The following CACNA1E variants were observed in gnomAD, a reference collection of about 807,000 sequenced individuals.
CACNA1E encodes the protein voltage-dependent R-type calcium channel subunit alpha-1E.
A neutral mutation model predicts 259.2 loss-of-function variants in CACNA1E; 40 were observed. The observed-to-expected ratio is 0.15, with a 90% CI of 0.12 to 0.20. The LOEUF (loss-of-function observed/expected upper bound fraction) is 0.20, where lower values mean the gene tolerates loss of function less well. Ranked by LOEUF, CACNA1E falls within the 10% of genes least tolerant of loss-of-function variation. The pLI, the probability that CACNA1E is intolerant of heterozygous loss-of-function variation, is 1.00. For missense variants in CACNA1E, 1,874 were observed against 3,040.1 expected, an observed-to-expected ratio of 0.62 and a Z score of 9.02; for synonymous variants, 1,104 against 1,138.5, an observed-to-expected ratio of 0.97 and a Z score of 0.61.
At chr1:181,761,697 G>A (rs1177597447) in intron 32 of CACNA1E, among the ~76,000 whole-genome samples, 1 of 152,128 alleles carries the variant, frequency 6.6e-6, no homozygotes, top group East Asian at 1.9e-4. Context: ...AATGTCCCAG[G>A]GGCAGGCAAG....
Position 181,795,787 on chromosome 1 carries a change from T to TATATA in CACNA1E, c.6208+743_6208+744insATATA, listed in dbSNP as rs1410248740. The stretch of plus-strand genomic sequence containing the variant: ...CTTTAAATATATATATATATATATA[T>TATATA]TAGTCTGGCTCAACTATTTTGTTTT... On this transcript the variant is annotated intron_variant, in intron 46 of 47. Coordinates refer to ENST00000367573, the MANE Select transcript of CACNA1E (RefSeq NM_001205293.3). Among the ~76,000 whole-genome samples, 14 of 143,686 alleles carry TATATA rather than the reference T, an allele frequency of 9.7e-5. No individual in the cohort carries two copies. In the South Asian group the frequency reaches 1.4e-3, roughly 14 times the overall value. 94.3% of individuals were successfully genotyped at this position (143,686 alleles called of 152,430 possible).
intron 6 of CACNA1E, among the ~76,000 whole-genome samples, chr1:181,612,581 T>C (rs1163297673): frequency 1.3e-5 from 2 of 152,226 alleles, no homozygotes; most frequent in African/African-American, 4.8e-5. Context: ...GGGAGAATGC[T>C]GTCTGGCCTG....
chr1:181,627,465 G>A (rs1489009817), intron 6 of CACNA1E, among the ~76,000 whole-genome samples: 3 of 152,190 alleles, frequency 2.0e-5, no homozygotes, highest in Non-Finnish European at 2.9e-5. Flanking sequence ...GGAGTGGGGG[G>A]AGATAAGGCT....
chr1:181,595,779 C>T lies in CACNA1E; in HGVS notation c.951+15003C>T, dbSNP rs12059876. 1.0e-2 allele frequency among the ~76,000 whole-genome samples: 1,522 copies of T among 152,254 alleles called. 37 individuals carry two copies. The highest frequency in any genetic ancestry group is 0.035 in the African/African-American group (1,447 of 41,550). On this transcript the variant is annotated intron_variant, in intron 6 of 47. Coordinates refer to ENST00000367573, the MANE Select transcript of CACNA1E (RefSeq NM_001205293.3). The stretch of plus-strand genomic sequence containing the variant: ...TCATTGAGCCAGGAGCCTTGGTCCA[C>T]GCTGTAGGACCTCAGTCCACCCAGG...
chr1:181,736,331 G>A lies in CACNA1E; in HGVS notation c.3319G>A (p.Asp1107Asn). Residue 1107 changes from aspartate (D) to asparagine (N), a missense_variant, in exon 22 of 48, where the codon GAT (aspartate) becomes AAT (asparagine). Asp to Asn is a conservative substitution (Grantham distance 23). This residue lies in a region of CACNA1E where 476 missense variants were observed against 514.0 expected (regional missense o/e 0.93). Coordinates refer to ENST00000367573, the MANE Select transcript of CACNA1E (RefSeq NM_001205293.3). The stretch of plus-strand genomic sequence containing the variant: ...CTTGAAGGAGGCAGAGATCAGAGAG[G>A]ATGAGGAGGAGGTGGAGAAGAAGAA... ...SPLKEAEIREDEEEVEKKKQK... is the reference protein window; with the variant it reads ...SPLKEAEIRENEEEVEKKKQK... 6.2e-7 allele frequency: 1 copy of A among 1,606,804 alleles called. No homozygotes were observed. The highest frequency in any genetic ancestry group is 8.5e-7 in the Non-Finnish European group (1 of 1,176,456).
At chr1:181,623,733 C>T (rs1200465720) in intron 6 of CACNA1E, among the ~76,000 whole-genome samples, 2 of 152,136 alleles carry the variant, frequency 1.3e-5, no homozygotes, top group African/African-American at 4.8e-5. Flanking sequence ...AAAAACATAT[C>T]TACATACCTT....
intron 3 of CACNA1E, among the ~76,000 whole-genome samples, chr1:181,533,841 A>T (rs1667957297): frequency 6.6e-6 from 1 of 151,786 alleles, no homozygotes; most frequent in Non-Finnish European, 1.5e-5. Flanking sequence ...GAATGATTTA[A>T]TTTTTTTATT....
chr1:181,713,683 A>G (rs1263835051), intron 8 of CACNA1E, among the ~76,000 whole-genome samples: 1 of 152,182 alleles, frequency 6.6e-6, no homozygotes, highest in African/African-American at 2.4e-5. Context: ...TTCCCCCAGC[A>G]GCTGGGATCT....
chr1:181,712,659 G>A (rs951151813), intron 8 of CACNA1E, among the ~76,000 whole-genome samples: 2 of 152,158 alleles, frequency 1.3e-5, no homozygotes, highest in Admixed American at 1.3e-4. Flanking sequence ...TGTTGTGTAG[G>A]GATGAAGTGG....
At position 181,716,133 on chromosome 1, in the gene CACNA1E, A is replaced by T. The variant is rs772914867; in HGVS notation, c.1315+4A>T. On this transcript the variant is annotated splice_donor_region_variant and intron_variant, in intron 10 of 47. Transcript: ENST00000367573. ...TGTGTTGATATCTCCTCTGTGGGTG[A>T]GTGGATCCAGTTAGATCTTTTACTG... The T allele has an allele frequency of 1.3e-6, 2 of 1,533,984 alleles. No homozygotes were observed. The highest frequency in any genetic ancestry group is 2.4e-5 in the South Asian group (2 of 83,864).
At chr1:181,787,183 G>C (rs1239934713) in intron 43 of CACNA1E, among the ~76,000 whole-genome samples, 2 of 151,956 alleles carry the variant, frequency 1.3e-5, no homozygotes, top group African/African-American at 2.4e-5. Context: ...GCAGTGGCAC[G>C]ATCTCAGCTG....
chr1:181,739,215 T>C lies in CACNA1E; in HGVS notation c.3681T>C (p.Phe1227=). 3 of 1,613,840 alleles carry C rather than the reference T, an allele frequency of 1.9e-6. No homozygotes were observed. The highest frequency in any genetic ancestry group is 2.5e-6 in the Non-Finnish European group (3 of 1,179,726). Residue 1227 remains phenylalanine (F), a synonymous_variant, in exon 25 of 48, where the codon TTT becomes TTC. Coordinates refer to ENST00000367573, the MANE Select transcript of CACNA1E (RefSeq NM_001205293.3). ...GAGACTTGTGGAACATCCTGGACTT[T>C]GTGGTGGTCGTTGGCGCATTGGTGG... ...YFRDLWNILD[F]VVVVGALVAF...
chr1:181,689,583 G>A (rs922666895), intron 7 of CACNA1E, among the ~76,000 whole-genome samples: 2 of 152,074 alleles, frequency 1.3e-5, no homozygotes, highest in Non-Finnish European at 2.9e-5. Context: ...TGAACTAATT[G>A]ACAGTTCCAC....
chr1:181,505,820 G>T (rs2102592109), intron 1 of CACNA1E, among the ~76,000 whole-genome samples: 1 of 152,108 alleles, frequency 6.6e-6, no homozygotes, highest in South Asian at 2.1e-4. Flanking sequence ...CTTTTGTAAG[G>T]ATACCTCTGG....
At chr1:181,412,265 C>G (rs980541154) in intron 1 of CACNA1E, among the ~76,000 whole-genome samples, 3 of 152,144 alleles carry the variant, frequency 2.0e-5, no homozygotes, top group African/African-American at 7.2e-5. Flanking sequence ...ATACAGGACC[C>G]AGTTCTCAAG....
intron 7 of CACNA1E, among the ~76,000 whole-genome samples, chr1:181,666,858 A>G (rs1648285761): frequency 6.6e-6 from 1 of 152,118 alleles, no homozygotes; most frequent in African/African-American, 2.4e-5. Context: ...GTTACTTGGC[A>G]GGACAAAAAT....
chr1:181,393,744 C>T (rs1656460024), intron 1 of CACNA1E, among the ~76,000 whole-genome samples: 1 of 152,178 alleles, frequency 6.6e-6, no homozygotes, highest in Admixed American at 6.5e-5. Flanking sequence ...CGGCGTGTGC[C>T]CCCGTGCCTG....
Position 181,674,329 on chromosome 1 carries a change from C to T in CACNA1E, c.1055+22888C>T, listed in dbSNP as rs186681603. Among the ~76,000 whole-genome samples, 478 of 133,510 alleles carry T rather than the reference C, an allele frequency of 3.6e-3. 13 individuals are homozygous for T. In the East Asian group the frequency reaches 0.079, roughly 22 times the overall value. 87.6% of individuals were successfully genotyped at this position (133,510 alleles called of 152,430 possible). ...AATGGCGTGAACCTGGGAGGCGGAG[C>T]TTGCAGTGAGCCGAGATCGCGCCAC... On this transcript the variant is annotated intron_variant, in intron 7 of 47. Transcript: ENST00000367573.
At chr1:181,481,361 C>T (rs974228555), upstream of CACNA1E, among the ~76,000 whole-genome samples, 3 of 152,014 alleles carry the variant, frequency 2.0e-5, no homozygotes, top group African/African-American at 7.3e-5. Context: ...CACACACACA[C>T]ACACACACAC....
Sources: allele counts gnomAD v4.1 joint callset (sites outside exome capture counted in the v4.1 genomes callset), GRCh38; gene constraint gnomAD v4.1.1; regional missense constraint gnomAD v4.1.1; transcripts MANE v1.5; gene names NCBI Gene and HGNC (gene_info 2026-07-23, HGNC 2026-07-21).